Variants in MAP3K1 observed in about 807,000 individuals in gnomAD.
MAP3K1 encodes mitogen-activated protein kinase kinase kinase 1.
In MAP3K1, 36 loss-of-function variants were observed where a neutral mutation model predicts 144.2. The ratio of observed to expected loss-of-function variants is 0.25; its 90% CI spans 0.19 to 0.33. MAP3K1 has a LOEUF of 0.33. Among genes scored for constraint, MAP3K1 ranks in the 10% least tolerant of loss-of-function variants. MAP3K1 has a pLI of 1.00. For missense variants in MAP3K1, 1,650 were observed against 1,881.9 expected (o/e 0.88, Z 2.28); for synonymous variants, 718 against 688.7 (o/e 1.04, Z -0.67).
rs540034417 is a variant in MAP3K1 at position 56,827,860 on chromosome 5, A to C, written c.482+11805A>C. Among the ~76,000 whole-genome samples, 7 of 149,340 alleles carry C rather than the reference A, an allele frequency of 4.7e-5. No homozygotes were observed. The East Asian group carries it at 1.4e-3, about 29-fold the overall frequency. ...GCCTGGGTGACATGACGAAAACTCC[A>C]TCTCAAAAAAAAAAAAGAACCTGGG... On this transcript the variant is annotated intron_variant, in intron 1 of 19. Transcript: ENST00000399503.
intron 1 of MAP3K1, among the ~76,000 whole-genome samples, chr5:56,825,344 G>A (rs1032410070): frequency 6.6e-6 from 1 of 152,142 alleles, no homozygotes; most frequent in African/African-American, 2.4e-5. Context: ...CAAATTTCAA[G>A]TTTTGTACAA....
chr5:56,839,627 A>G (rs116445026), intron 1 of MAP3K1, among the ~76,000 whole-genome samples: 2,051 of 152,292 alleles, frequency 0.013, 48 homozygotes, highest in African/African-American at 0.048. Context: ...CTCTTCTGGC[A>G]GAGGCTACTG....
intron 1 of MAP3K1, among the ~76,000 whole-genome samples, chr5:56,828,978 A>T (rs1746401892): frequency 6.6e-6 from 1 of 151,944 alleles, no homozygotes; most frequent in Non-Finnish European, 1.5e-5. Context: ...GGGTTTTTTC[A>T]TGTAATTTGG....
At chr5:56,833,130 A>G (rs978498752) in intron 1 of MAP3K1, among the ~76,000 whole-genome samples, 5 of 152,252 alleles carry the variant, frequency 3.3e-5, no homozygotes, top group South Asian at 4.1e-4. Context: ...TCAGCCTCCC[A>G]AAGTGCTGGG....
chr5:56,865,064 A>G (rs1460308794), intron 4 of MAP3K1, 130 bp downstream of exon 4: 1 of 899,270 alleles, frequency 1.1e-6, no homozygotes, highest in Non-Finnish European at 1.7e-6. Context: ...CTTAAAATGT[A>G]TTTTAGGCTA....
intron 1 of MAP3K1, among the ~76,000 whole-genome samples, chr5:56,828,661 G>A (rs967976957): frequency 6.6e-6 from 1 of 152,164 alleles, no homozygotes; most frequent in South Asian, 2.1e-4. Flanking sequence ...TTAGGTCAAA[G>A]TCATTAGCAT....
chr5:56,822,167 G>A (rs1443675795), intron 1 of MAP3K1, among the ~76,000 whole-genome samples: 1 of 152,038 alleles, frequency 6.6e-6, no homozygotes, highest in African/African-American at 2.4e-5. Context: ...GGGATTACAG[G>A]CATGCCCCAC....
intron 1 of MAP3K1, among the ~76,000 whole-genome samples, chr5:56,840,563 C>G (rs970221906): frequency 6.6e-6 from 1 of 152,206 alleles, no homozygotes; most frequent in South Asian, 2.1e-4. Context: ...ACTCAGAAAA[C>G]TAGTATGACT....
At chr5:56,839,008 G>A (rs528307429) in intron 1 of MAP3K1, among the ~76,000 whole-genome samples, 1 of 152,276 alleles carries the variant, frequency 6.6e-6, no homozygotes, top group East Asian at 1.9e-4. Flanking sequence ...GATCTTCTGG[G>A]GAGACTTCGT....
intron 3 of MAP3K1, among the ~76,000 whole-genome samples, chr5:56,863,722 C>T (rs558861601): frequency 6.6e-6 from 1 of 152,188 alleles, no homozygotes; most frequent in Non-Finnish European, 1.5e-5. Context: ...TTTTCCAAAC[C>T]AGCTGCACAT....
chr5:56,884,855 G>A (rs757025227), intron 16 of MAP3K1, 29 bp downstream of exon 16: 30 of 1,597,340 alleles, frequency 1.9e-5, no homozygotes, highest in Middle Eastern at 1.7e-4. Context: ...TTACAAAATA[G>A]TAGTACGTGG....
intron 1 of MAP3K1, among the ~76,000 whole-genome samples, chr5:56,829,805 G>C (rs1746433380): frequency 6.6e-6 from 1 of 152,170 alleles, no homozygotes; most frequent in Non-Finnish European, 1.5e-5. Context: ...ACTGGCTGTA[G>C]GTTTTGTTAC....
At chr5:56,885,910 A>T (rs762437753) in intron 16 of MAP3K1, 22 bp from the exon 17 acceptor site, 26 of 1,607,652 alleles carry the variant, frequency 1.6e-5, no homozygotes, top group Non-Finnish European at 2.2e-5. Context: ...AGTTTATGAT[A>T]ATTATTTCTA....
intron 19 of MAP3K1, among the ~76,000 whole-genome samples, chr5:56,890,864 C>T (rs539333445): frequency 5.3e-5 from 8 of 150,706 alleles, no homozygotes; most frequent in East Asian, 2.0e-4. Context: ...CTGGGCATAG[C>T]GAGACCCCAT....
At chr5:56,861,777 C>T (rs763236532) in intron 3 of MAP3K1, among the ~76,000 whole-genome samples, 6 of 152,008 alleles carry the variant, frequency 3.9e-5, no homozygotes, top group Non-Finnish European at 8.8e-5. Flanking sequence ...GTGGTAAATT[C>T]ATGTGAGAGA....
chr5:56,872,734 GA>G lies in MAP3K1; in HGVS notation c.1505+15del. On this transcript the variant is annotated intron_variant, in intron 8 of 19. Coordinates refer to ENST00000399503, the MANE Select transcript of MAP3K1 (RefSeq NM_005921.2). Reference sequence around the variant, plus strand: ...CATGATTTCTACAGGTAATAATTTTGAAATGATACGGATATGTTTAATTTTT... The same window carrying G: ...CATGATTTCTACAGGTAATAATTTTGAATGATACGGATATGTTTAATTTTT... The G allele has an allele frequency of 6.3e-7, 1 of 1,595,620 alleles. No individual in the cohort carries two copies. Among genetic ancestry groups the G allele is most frequent in the Non-Finnish European group, 8.6e-7 (1 of 1,163,432 alleles).
chr5:56,885,001 A>G (rs1748337585), intron 16 of MAP3K1, among the ~76,000 whole-genome samples, 175 bp downstream of exon 16: 1 of 152,238 alleles, frequency 6.6e-6, no homozygotes, highest in Admixed American at 6.5e-5. Flanking sequence ...TTCATTTACT[A>G]TAAATGAAAT....
chr5:56,882,891 TAGAAAACTTC>T, intron 14 of MAP3K1, 25 bp downstream of exon 14: 1 of 1,576,516 alleles, frequency 6.3e-7, no homozygotes. Context: ...TTTAAGAGGT[TAGAAAACTTC>T]CTTGGGGCTG....
chr5:56,834,916 A>G (rs994372093), intron 1 of MAP3K1, among the ~76,000 whole-genome samples: 3 of 152,166 alleles, frequency 2.0e-5, no homozygotes, highest in African/African-American at 7.2e-5. Context: ...TATTATTATA[A>G]TAAGTCTTAA....
Sources: allele counts gnomAD v4.1 joint callset (sites outside exome capture counted in the v4.1 genomes callset), GRCh38; gene constraint gnomAD v4.1.1; transcripts MANE v1.5; gene names NCBI Gene and HGNC (gene_info 2026-07-23, HGNC 2026-07-21).